The following FAM83D variants were observed in gnomAD, a reference collection of about 807,000 sequenced individuals.
The protein encoded by FAM83D is scaffolding CK1 anchoring protein D, also known as protein FAM83D.
FAM83D carries 26 observed loss-of-function variants against 25.4 expected under a neutral mutation model. The observed-to-expected ratio is 1.02, with a 90% CI of 0.75 to 1.42. The LOEUF is 1.42. FAM83D is among the 40% of genes most tolerant of loss of function. FAM83D has a pLI of 0.00. For synonymous variants in FAM83D, 310 were observed against 318.5 expected (o/e 0.97, Z 0.28); for missense variants, 740 against 758.1 (o/e 0.98, Z 0.28).
rs2085637875 is a variant in FAM83D at position 38,926,837 on chromosome 20, A to C, written c.395A>C (p.Glu132Ala). Residue 132 changes from glutamate (E) to alanine (A), a missense_variant, in exon 1 of 4, where the codon GAG (glutamate) becomes GCG (alanine). Transcript: ENST00000619850. ...QGAYRGATRV[E>A]THFQPRGAGE... ...GCCTACCGCGGCGCCACGCGTGTCGAGACGCACTTCCAGCCCCGCGGCGCT... is the reference window on the plus strand; with the variant it reads ...GCCTACCGCGGCGCCACGCGTGTCGCGACGCACTTCCAGCCCCGCGGCGCT... 20 of 1,533,368 alleles carry C rather than the reference A, an allele frequency of 1.3e-5. No individual in the cohort carries two copies. In the South Asian group the frequency reaches 2.3e-4, roughly 17 times the overall value. The allele number at this position is 1,533,368 out of a possible 1,614,324, so 95.0% of individuals were successfully genotyped here.
intron 1 of FAM83D, among the ~76,000 whole-genome samples, chr20:38,932,755 TGA>T (rs1346360814): frequency 6.6e-6 from 1 of 152,236 alleles, no homozygotes; most frequent in Non-Finnish European, 1.5e-5. Flanking sequence ...GTTTGTTGAA[TGA>T]GAGTTCAGAG....
chr20:38,935,568 G>A (rs768980618), intron 1 of FAM83D, among the ~76,000 whole-genome samples: 6 of 152,112 alleles, frequency 3.9e-5, no homozygotes, highest in African/African-American at 9.7e-5. Context: ...TCAGACTCCC[G>A]AGTAACTGGG....
intron 2 of FAM83D, among the ~76,000 whole-genome samples, chr20:38,943,003 T>G (rs1476309606): frequency 6.6e-6 from 1 of 150,616 alleles, no homozygotes; most frequent in Non-Finnish European, 1.5e-5. Context: ...GCCCCCACTC[T>G]GTCTTTGGCA....
At chr20:38,946,706 T>TC (rs1194635915) in intron 2 of FAM83D, among the ~76,000 whole-genome samples, 2 of 152,248 alleles carry the variant, frequency 1.3e-5, no homozygotes, top group African/African-American at 4.8e-5. Flanking sequence ...TTGCTTTTTT[T>TC]CTCTCATCAC....
chr20:38,943,171 C>T (rs759255366), intron 2 of FAM83D, among the ~76,000 whole-genome samples: 11 of 152,034 alleles, frequency 7.2e-5, no homozygotes, highest in Non-Finnish European at 1.0e-4. Flanking sequence ...ATTACAGGTG[C>T]GTACCACCAC....
intron 1 of FAM83D, among the ~76,000 whole-genome samples, chr20:38,937,468 G>T (rs2085683642): frequency 6.6e-6 from 1 of 152,192 alleles, no homozygotes; most frequent in South Asian, 2.1e-4. Context: ...GCAGGACTCG[G>T]CCGGTTAGTG....
chr20:38,926,563 G>C lies in FAM83D; in HGVS notation c.121G>C (p.Ala41Pro). ...SRRLALEELV[A>P]GGPEAFAAFL... ...GCGCCTGGCTCTGGAGGAGCTGGTGGCGGGCGGCCCCGAAGCCTTCGCGGC... is the reference window on the plus strand; with the variant it reads ...GCGCCTGGCTCTGGAGGAGCTGGTGCCGGGCGGCCCCGAAGCCTTCGCGGC... Residue 41 changes from alanine (A) to proline (P), a missense_variant, in exon 1 of 4, where the codon GCG (alanine) becomes CCG (proline). Physicochemically the swap from Ala to Pro is conservative, Grantham distance 27. Coordinates refer to ENST00000619850, the MANE Select transcript of FAM83D (RefSeq NM_030919.3). The C allele has an allele frequency of 6.4e-7, 1 of 1,570,032 alleles. No individual in the cohort carries two copies. Among genetic ancestry groups the C allele is most frequent in the Non-Finnish European group, 8.6e-7 (1 of 1,165,230 alleles).
intron 1 of FAM83D, among the ~76,000 whole-genome samples, chr20:38,933,698 C>A (rs2085667037): frequency 6.6e-6 from 1 of 152,188 alleles, no homozygotes; most frequent in South Asian, 2.1e-4. Context: ...AGTTCAGTGG[C>A]ATTAAATACA....
chr20:38,951,434 C>A, intron 3 of FAM83D, 105 bp from the exon 4 acceptor site: 5 of 1,305,512 alleles, frequency 3.8e-6, no homozygotes, highest in East Asian at 4.9e-5. Flanking sequence ...AAATTTGTGA[C>A]CCTTATGTGG....
intron 2 of FAM83D, among the ~76,000 whole-genome samples, chr20:38,944,594 T>C (rs2085718314): frequency 6.6e-6 from 1 of 152,198 alleles, no homozygotes; most frequent in African/African-American, 2.4e-5. Context: ...AGTTGCCTAC[T>C]GTTGGTTGTT....
chr20:38,948,095 T>TAC, intron 3 of FAM83D, 95 bp downstream of exon 3: 1 of 1,411,748 alleles, frequency 7.1e-7, no homozygotes. Flanking sequence ...AATGGGAGCC[T>TAC]GTATGGCCAT....
At chr20:38,928,752 C>T (rs1233475670) in intron 1 of FAM83D, among the ~76,000 whole-genome samples, 3 of 152,140 alleles carry the variant, frequency 2.0e-5, no homozygotes, top group East Asian at 1.9e-4. Flanking sequence ...CCTCATCTCA[C>T]GGGCATTTTG....
intron 1 of FAM83D, among the ~76,000 whole-genome samples, chr20:38,929,505 T>A (rs1184525230): frequency 6.6e-6 from 1 of 151,896 alleles, no homozygotes; most frequent in Non-Finnish European, 1.5e-5. Flanking sequence ...GCAGCCAAAT[T>A]CCCCACAGCG....
chr20:38,942,607 C>T (rs1353207875), intron 2 of FAM83D, among the ~76,000 whole-genome samples: 1 of 152,166 alleles, frequency 6.6e-6, no homozygotes, highest in African/African-American at 2.4e-5. Flanking sequence ...TCTATAGAGA[C>T]ATTGATTAGT....
At chr20:38,930,193 T>G (rs932673380) in intron 1 of FAM83D, among the ~76,000 whole-genome samples, 3 of 144,796 alleles carry the variant, frequency 2.1e-5, no homozygotes, top group Non-Finnish European at 4.6e-5. Flanking sequence ...TCAGGCTGCT[T>G]TCAGGATGAA....
Position 38,952,303 on chromosome 20 carries a change from C to G in FAM83D, c.1541C>G (p.Pro514Arg), listed in dbSNP as rs773093502. 1 of 1,614,108 alleles carries G rather than the reference C, an allele frequency of 6.2e-7. No homozygotes were observed. The highest frequency in any genetic ancestry group is 1.7e-5 in the Admixed American group (1 of 60,020). ...GGCTATCCCAAGTACCTGGGCACCC[C>G]CCACCTGGAACTGTACTTGAGTGAC... ...NPGYPKYLGTPHLELYLSDSL... is the reference protein window; with the variant it reads ...NPGYPKYLGTRHLELYLSDSL... The change falls in exon 4 of 4, where the codon CCC becomes CGC. Residue 514 changes from proline to arginine, a missense_variant. By Grantham distance (103) the Pro-to-Arg change is moderately radical. Around this residue, in one of 3 missense-constraint regions of FAM83D, gnomAD observed 375 missense variants for 403.2 expected, o/e 0.93. Coordinates refer to ENST00000619850, the MANE Select transcript of FAM83D (RefSeq NM_030919.3).
In FAM83D at chr20:38,926,767, G is replaced by T; in HGVS notation, c.325G>T (p.Glu109Ter). ...GTYFPEQSDLEPPLLELGWPA... is the reference protein window; with the variant it reads ...GTYFPEQSDL ...CTACTTCCCCGAGCAGTCGGACCTG[G>T]AGCCACCGCTGTTGGAGCTTGGCTG... Residue 109 changes from glutamate (E) to a stop codon, truncating the protein, a stop_gained, in exon 1 of 4, where the codon GAG becomes TAG. Transcript: ENST00000619850. LOFTEE classifies it high-confidence loss of function. The T allele has an allele frequency of 6.5e-7, 1 of 1,547,634 alleles. No homozygotes were observed. The highest frequency in any genetic ancestry group is 8.7e-7 in the Non-Finnish European group (1 of 1,152,846).
intron 1 of FAM83D, among the ~76,000 whole-genome samples, chr20:38,932,729 T>C (rs1251813771): frequency 6.6e-6 from 1 of 152,254 alleles, no homozygotes. Context: ...ATGAATTGGC[T>C]GTCCGGCTAT....
At chr20:38,942,998 C>T (rs1419090568) in intron 2 of FAM83D, among the ~76,000 whole-genome samples, 1 of 151,632 alleles carries the variant, frequency 6.6e-6, no homozygotes, top group Admixed American at 6.6e-5. Context: ...TTTGAGCCCC[C>T]ACTCTGTCTT....
Sources: gnomAD v4.1 joint callset for allele counts (sites outside exome capture counted in the v4.1 genomes callset) on GRCh38, gnomAD v4.1.1 for gene constraint, gnomAD v4.1.1 regional missense constraint, MANE v1.5 for transcripts, NCBI Gene and HGNC (gene_info 2026-07-23, HGNC 2026-07-21) for gene names.